STRN3: variants seen among roughly 807,000 people sequenced by gnomAD.
STRN3 encodes striatin 3.
A neutral mutation model predicts 95.6 loss-of-function variants in STRN3; 29 were observed. The ratio of observed to expected loss-of-function variants is 0.30; its 90% CI spans 0.23 to 0.41. STRN3 has a LOEUF of 0.41. Ranked by LOEUF, STRN3 falls within the 10% of genes least tolerant of loss-of-function variation. The pLI, the probability that STRN3 is intolerant of heterozygous loss-of-function variation, is 1.00. For missense variants in STRN3, 890 were observed against 972.1 expected (o/e 0.92, Z 1.12); for synonymous variants, 331 against 357.6 (o/e 0.93, Z 0.84).
intron 1 of STRN3, among the ~76,000 whole-genome samples, chr14:30,966,599 C>T (rs911019195): frequency 7.2e-5 from 11 of 152,138 alleles, no homozygotes; most frequent in South Asian, 2.1e-4. Context: ...CATACTGCTG[C>T]GATGACTGTG....
chr14:30,910,607 T>C (rs1896582498), intron 13 of STRN3, among the ~76,000 whole-genome samples: 1 of 151,940 alleles, frequency 6.6e-6, no homozygotes, highest in Non-Finnish European at 1.5e-5. Flanking sequence ...AAATTAAGAA[T>C]GTTTTTGTAG....
At chr14:30,969,884 A>G (rs1427954957) in intron 1 of STRN3, among the ~76,000 whole-genome samples, 4 of 152,040 alleles carry the variant, frequency 2.6e-5, no homozygotes, top group Admixed American at 2.6e-4. Context: ...GAAAGAAAAA[A>G]ACTCGAGCCA....
intron 1 of STRN3, among the ~76,000 whole-genome samples, chr14:30,985,493 A>G (rs920767654): frequency 1.3e-5 from 2 of 151,962 alleles, no homozygotes; most frequent in African/African-American, 2.4e-5. Context: ...AGTTCCAGCT[A>G]CTTGGGAGGC....
intron 1 of STRN3, among the ~76,000 whole-genome samples, chr14:31,006,027 G>C (rs148042792): frequency 1.6e-3 from 243 of 149,636 alleles, no homozygotes; most frequent in Non-Finnish European, 2.9e-3. Flanking sequence ...AGGGAGGCAG[G>C]ACAATCTCTT....
At chr14:30,996,719 A>T (rs1882214154) in intron 1 of STRN3, among the ~76,000 whole-genome samples, 1 of 152,176 alleles carries the variant, frequency 6.6e-6, no homozygotes, top group South Asian at 2.1e-4. Context: ...TACAAAAATT[A>T]GCTGGGTGTG....
In STRN3 at chr14:30,894,205, A is replaced by G. The variant is rs1218848866; in HGVS notation, c.*1206T>C. On this transcript the variant is annotated 3_prime_UTR_variant, in exon 18 of 18. Coordinates refer to ENST00000357479, the MANE Select transcript of STRN3 (RefSeq NM_001083893.2). ...TGTATCCTGATTCAACTATTTTTGT[A>G]TCCTATTTGTAATGCAAATAAAACT... 6.6e-6 allele frequency: 1 copy of G among 152,402 alleles called. No individual in the cohort carries two copies. Among genetic ancestry groups the G allele is most frequent in the Non-Finnish European group, 1.5e-5 (1 of 68,020 alleles). 9.4% of individuals were successfully genotyped at this position (152,402 alleles called of 1,614,324 possible).
intron 1 of STRN3, among the ~76,000 whole-genome samples, chr14:31,013,913 T>TA (rs2139330668): frequency 9.5e-6 from 1 of 104,944 alleles, no homozygotes; most frequent in African/African-American, 3.4e-5. Context: ...TTATTATTAT[T>TA]ATTATTTGAG....
intron 1 of STRN3, among the ~76,000 whole-genome samples, chr14:30,981,576 T>TCACACACACACA (rs34644271): frequency 0.023 from 3,350 of 145,344 alleles, 48 homozygotes; most frequent in East Asian, 0.051. Flanking sequence ...AGCTTAGAAT[T>TCACACACACACA]CACACACACA....
intron 1 of STRN3, among the ~76,000 whole-genome samples, chr14:30,998,885 A>G (rs1231496009): frequency 6.6e-6 from 1 of 152,206 alleles, no homozygotes; most frequent in East Asian, 1.9e-4. Flanking sequence ...AGGCAAGAGG[A>G]TCTCAAGCCC....
At chr14:31,002,661 G>T (rs1362485356) in intron 1 of STRN3, among the ~76,000 whole-genome samples, 1 of 144,350 alleles carries the variant, frequency 6.9e-6, no homozygotes, top group Admixed American at 6.8e-5. Context: ...AAAAAAAAAG[G>T]AAATTCTGAA....
At chr14:30,972,917 T>C (rs894709975) in intron 1 of STRN3, among the ~76,000 whole-genome samples, 3 of 152,300 alleles carry the variant, frequency 2.0e-5, no homozygotes, top group South Asian at 2.1e-4. Context: ...AGAATCACAA[T>C]TGTAAAGATT....
chr14:30,973,222 G>A (rs1041841087), intron 1 of STRN3, among the ~76,000 whole-genome samples: 13 of 151,802 alleles, frequency 8.6e-5, no homozygotes, highest in Admixed American at 5.9e-4. Flanking sequence ...AAAGCCAGTA[G>A]AGGCAAATAA....
chr14:30,990,303 T>C lies in STRN3; in HGVS notation c.283-34061A>G, dbSNP rs559472728. Among the ~76,000 whole-genome samples the C allele has an allele frequency of 6.6e-5, 10 of 151,568 alleles. No homozygotes were observed. In the South Asian group the frequency reaches 1.5e-3, roughly 22 times the overall value. Reference sequence around the variant, plus strand: ...TCAGCCTCCCAAGTAGCTGGGACTATAGGTGCCCGCCACCAGCACACCCGG... The same window carrying C: ...TCAGCCTCCCAAGTAGCTGGGACTACAGGTGCCCGCCACCAGCACACCCGG... On this transcript the variant is annotated intron_variant, in intron 1 of 17. Transcript: ENST00000357479.
Position 30,969,978 on chromosome 14 carries a change from A to T in STRN3, c.283-13736T>A, listed in dbSNP as rs547370790. Among the ~76,000 whole-genome samples, 4 of 152,276 alleles carry T rather than the reference A, an allele frequency of 2.6e-5. No individual in the cohort carries two copies. The East Asian group carries it at 5.8e-4, about 22-fold the overall frequency. ...AAAAGGGATGGACTCACCCACACCT[A>T]AGTCAAAGCGCCACCCCCTCCAGTC... On this transcript the variant is annotated intron_variant, in intron 1 of 17. Coordinates refer to ENST00000357479, the MANE Select transcript of STRN3 (RefSeq NM_001083893.2).
chr14:30,910,923 G>A, intron 13 of STRN3, 118 bp downstream of exon 13: 2 of 1,123,484 alleles, frequency 1.8e-6, no homozygotes, highest in Non-Finnish European at 2.4e-6. Context: ...ATTAGCAAAT[G>A]GAAGAACTAA....
chr14:30,933,379 A>C (rs1338762225), intron 7 of STRN3, among the ~76,000 whole-genome samples: 1 of 151,426 alleles, frequency 6.6e-6, no homozygotes, highest in African/African-American at 2.4e-5. Context: ...CTGTTAACTA[A>C]ATAAGTAAAT....
At chr14:30,991,587 A>G (rs1345545485) in intron 1 of STRN3, among the ~76,000 whole-genome samples, 1 of 152,196 alleles carries the variant, frequency 6.6e-6, no homozygotes, top group Non-Finnish European at 1.5e-5. Flanking sequence ...CAAATGGGAG[A>G]GGAAGTGTTC....
At chr14:30,925,623 A>C (rs1287627607) in intron 8 of STRN3, among the ~76,000 whole-genome samples, 1 of 152,200 alleles carries the variant, frequency 6.6e-6, no homozygotes, top group Non-Finnish European at 1.5e-5. Flanking sequence ...GTTCAATTAC[A>C]CAGTAGGGTG....
chr14:30,974,343 A>G (rs1351060333), intron 1 of STRN3, among the ~76,000 whole-genome samples: 1 of 152,188 alleles, frequency 6.6e-6, no homozygotes, highest in Non-Finnish European at 1.5e-5. Context: ...ATCAAAAAGA[A>G]TATCTAGGAA....
Sources: allele counts gnomAD v4.1 joint callset (sites outside exome capture counted in the v4.1 genomes callset), GRCh38; gene constraint gnomAD v4.1.1; transcripts MANE v1.5; gene names NCBI Gene and HGNC (gene_info 2026-07-23, HGNC 2026-07-21).